CREB5: variants seen among roughly 807,000 people sequenced by gnomAD.
CREB5 encodes cAMP responsive element binding protein 5, also known as cyclic AMP-responsive element-binding protein 5.
In CREB5, 19 loss-of-function variants were observed where a neutral mutation model predicts 57.1. That is an observed-to-expected ratio of 0.33 (90% confidence interval 0.23 to 0.49). The LOEUF (loss-of-function observed/expected upper bound fraction) is 0.49, where lower values mean the gene tolerates loss of function less well. Ranked by LOEUF, CREB5 falls within the 20% of genes least tolerant of loss-of-function variation. The probability of loss-of-function intolerance (pLI) is 0.99; values close to 1 mark genes in which losing one functional copy is unlikely to be tolerated. For missense variants in CREB5, 579 were observed against 671.6 expected (o/e 0.86, Z 1.52); for synonymous variants, 238 against 238.3 (o/e 1.00, Z 0.01).
At chr7:28,606,839 CAT>C (rs1797150365) in intron 5 of CREB5, among the ~76,000 whole-genome samples, 1 of 152,190 alleles carries the variant, frequency 6.6e-6, no homozygotes, top group Middle Eastern at 3.4e-3. Context: ...TTTTAATTGA[CAT>C]GTAATTTTAC....
chr7:28,728,507 C>T (rs1415945074), intron 7 of CREB5, among the ~76,000 whole-genome samples: 1 of 152,200 alleles, frequency 6.6e-6, no homozygotes, highest in Non-Finnish European at 1.5e-5. Flanking sequence ...CTCCAAATAA[C>T]CTGGAAAAGA....
intron 5 of CREB5, among the ~76,000 whole-genome samples, chr7:28,689,446 C>A (rs1042865889): frequency 1.3e-5 from 2 of 152,022 alleles, no homozygotes; most frequent in South Asian, 4.2e-4. Context: ...CCAGCCTGGG[C>A]GACAAAGCGA....
Position 28,775,295 on chromosome 7 carries a change from CCTCT to C in CREB5, c.703-28901_703-28898del, listed in dbSNP as rs1352584211. 1.3e-5 allele frequency among the ~76,000 whole-genome samples: 2 copies of C among 152,012 alleles called. 1 individual carries two copies. Among genetic ancestry groups the C allele is most frequent in the Non-Finnish European group, 2.9e-5 (2 of 67,994 alleles). On this transcript the variant is annotated intron_variant, in intron 7 of 10. Coordinates refer to ENST00000357727, the MANE Select transcript of CREB5 (RefSeq NM_182898.4). ...AGCTCAGATACCTCCTCCTAGAAGT[CCTCT>C]CTGATTCCCCGCCTCACCTAATAGA...
intron 4 of CREB5, among the ~76,000 whole-genome samples, chr7:28,550,456 A>G (rs1297761865): frequency 6.6e-6 from 1 of 152,114 alleles, no homozygotes; most frequent in African/African-American, 2.4e-5. Flanking sequence ...GAGAAGTTGG[A>G]CTCAAAATGG....
intron 1 of CREB5, among the ~76,000 whole-genome samples, chr7:28,480,121 A>C (rs148911135): frequency 4.6e-4 from 70 of 152,284 alleles, no homozygotes; most frequent in Middle Eastern, 6.8e-3. Context: ...ATATTTAAAG[A>C]TATTTATTTT....
At chr7:28,479,446 C>T (rs753605263) in intron 1 of CREB5, among the ~76,000 whole-genome samples, 2 of 152,180 alleles carry the variant, frequency 1.3e-5, no homozygotes, top group Non-Finnish European at 2.9e-5. Context: ...GTGCCTTTTG[C>T]TAACATTTAG....
At chr7:28,684,747 A>G (rs908089769) in intron 5 of CREB5, among the ~76,000 whole-genome samples, 1 of 151,962 alleles carries the variant, frequency 6.6e-6, no homozygotes, top group Non-Finnish European at 1.5e-5. Flanking sequence ...AAAAGGAAAA[A>G]AAAATTGCAG....
chr7:28,386,730 A>G (rs1040376558), intron 1 of CREB5, among the ~76,000 whole-genome samples: 8 of 152,040 alleles, frequency 5.3e-5, no homozygotes, highest in African/African-American at 1.9e-4. Flanking sequence ...TGTTTTGGTT[A>G]ATTTCTTGAG....
At chr7:28,560,951 CGTGTGTGT>C (rs1349050648) in intron 4 of CREB5, among the ~76,000 whole-genome samples, 40 of 38,956 alleles carry the variant, frequency 1.0e-3, no homozygotes, top group East Asian at 9.1e-3. Flanking sequence ...CGTGTGTGTG[CGTGTGTGT>C]GCGTGTGTGT....
At chr7:28,469,197 G>T (rs1197185416) in intron 1 of CREB5, among the ~76,000 whole-genome samples, 1 of 152,078 alleles carries the variant, frequency 6.6e-6, no homozygotes, top group Non-Finnish European at 1.5e-5. Flanking sequence ...CTCCAGCCTG[G>T]GCAACCGGCA....
chr7:28,549,219 A>G (rs1316391150), intron 4 of CREB5, among the ~76,000 whole-genome samples: 2 of 152,226 alleles, frequency 1.3e-5, no homozygotes, highest in Non-Finnish European at 2.9e-5. Context: ...ATAATCTAAA[A>G]GCATATAAGT....
chr7:28,470,297 A>G (rs1790752049), intron 1 of CREB5, among the ~76,000 whole-genome samples: 1 of 152,086 alleles, frequency 6.6e-6, no homozygotes. Flanking sequence ...TGATTTTTAG[A>G]TCCCATGAAG....
intron 1 of CREB5, among the ~76,000 whole-genome samples, chr7:28,377,892 A>G (rs1161701152): frequency 7.4e-6 from 1 of 135,510 alleles, no homozygotes; most frequent in Non-Finnish European, 1.5e-5. Flanking sequence ...AGATCGCGCT[A>G]CTGCACTCCA....
intron 4 of CREB5, among the ~76,000 whole-genome samples, chr7:28,538,496 T>C (rs955855517): frequency 5.9e-5 from 9 of 152,238 alleles, no homozygotes; most frequent in Admixed American, 2.6e-4. Context: ...TCTTTTTTTC[T>C]TTCACGACGT....
At chr7:28,344,064 ATTGAG>A (rs968858413) in intron 1 of CREB5, among the ~76,000 whole-genome samples, 165 of 141,178 alleles carry the variant, frequency 1.2e-3, no homozygotes, top group African/African-American at 4.1e-3. Flanking sequence ...TTTTTTTGCT[ATTGAG>A]TTGAGTTCAT....
Position 28,690,810 on chromosome 7 carries a change from C to T in CREB5, c.465-27943C>T, listed in dbSNP as rs74552343. 2.5e-3 allele frequency among the ~76,000 whole-genome samples: 387 copies of T among 152,298 alleles called. 3 individuals carry two copies. The highest frequency in any genetic ancestry group is 8.9e-3 in the African/African-American group (370 of 41,562). ...CTAACTGGGCTTCTTGTCCCAGCATCACTTAGCCTTCTTCTTTCTCTAGCC... is the reference window on the plus strand; with the variant it reads ...CTAACTGGGCTTCTTGTCCCAGCATTACTTAGCCTTCTTCTTTCTCTAGCC... On this transcript the variant is annotated intron_variant, in intron 5 of 10. Coordinates refer to ENST00000357727, the MANE Select transcript of CREB5 (RefSeq NM_182898.4).
At chr7:28,431,443 A>G (rs1253493907) in intron 1 of CREB5, among the ~76,000 whole-genome samples, 1 of 152,200 alleles carries the variant, frequency 6.6e-6, no homozygotes, top group Non-Finnish European at 1.5e-5. Flanking sequence ...AATTGGCGTT[A>G]AAGCCTCCTA....
chr7:28,815,347 A>G (rs1188638884), intron 9 of CREB5, among the ~76,000 whole-genome samples: 1 of 152,214 alleles, frequency 6.6e-6, no homozygotes, highest in Non-Finnish European at 1.5e-5. Context: ...TTGTCTCAAT[A>G]TTCTCAGGGT....
chr7:28,621,784 A>C (rs1257951345), intron 5 of CREB5, among the ~76,000 whole-genome samples: 1 of 152,216 alleles, frequency 6.6e-6, no homozygotes, highest in African/African-American at 2.4e-5. Context: ...TGATGTCGTC[A>C]TACCAAGCAA....
Sources: allele counts gnomAD v4.1 joint callset (sites outside exome capture counted in the v4.1 genomes callset), GRCh38; gene constraint gnomAD v4.1.1; transcripts MANE v1.5; gene names NCBI Gene and HGNC (gene_info 2026-07-23, HGNC 2026-07-21).